SNX10: variants seen among roughly 807,000 people sequenced by gnomAD.
SNX10 encodes sorting nexin-10.
A neutral mutation model predicts 28.5 loss-of-function variants in SNX10; 25 were observed. The observed-to-expected ratio is 0.88, with a 90% CI of 0.64 to 1.22. The LOEUF (loss-of-function observed/expected upper bound fraction) is 1.22. Ranked by LOEUF, SNX10 falls within the 50% of genes most tolerant of loss-of-function variation. The pLI, the probability that SNX10 is intolerant of heterozygous loss-of-function variation, is 0.00. For synonymous variants in SNX10, 62 were observed against 81.4 expected, an observed-to-expected ratio of 0.76 and a Z score of 1.28; for missense variants, 223 against 242.6, an observed-to-expected ratio of 0.92 and a Z score of 0.54.
At chr7:26,367,469 C>T (rs745416110) in intron 5 of SNX10, among the ~76,000 whole-genome samples, 40 of 152,280 alleles carry the variant, frequency 2.6e-4, no homozygotes, top group Non-Finnish European at 4.9e-4. Flanking sequence ...GTTAATATTT[C>T]ACTTTAAAAA....
At chr7:26,358,832 T>C (rs1788949101) in intron 2 of SNX10, among the ~76,000 whole-genome samples, 1 of 133,882 alleles carries the variant, frequency 7.5e-6, no homozygotes, top group African/African-American at 2.6e-5. Flanking sequence ...TTTGACCAAG[T>C]CTTGCTGTTG....
intron 1 of SNX10, among the ~76,000 whole-genome samples, chr7:26,306,035 C>T (rs1422753861): frequency 6.6e-6 from 1 of 152,024 alleles, no homozygotes; most frequent in Non-Finnish European, 1.5e-5. Context: ...GTTGGGACTA[C>T]AGGCATGAGC....
chr7:26,360,459 G>A (rs905632991), intron 2 of SNX10: 2 of 157,878 alleles, frequency 1.3e-5, no homozygotes, highest in East Asian at 3.8e-4. Flanking sequence ...TCACCATGTT[G>A]CCTAGGCTGG....
intron 1 of SNX10, among the ~76,000 whole-genome samples, chr7:26,307,278 C>T (rs1455560777): frequency 6.6e-6 from 1 of 152,160 alleles, no homozygotes. Flanking sequence ...CTGGATGTCC[C>T]CAACACCCTA....
chr7:26,363,947 C>T (rs770604863), intron 3 of SNX10, among the ~76,000 whole-genome samples: 1 of 152,190 alleles, frequency 6.6e-6, no homozygotes, highest in Non-Finnish European at 1.5e-5. Flanking sequence ...GTCCTCTATG[C>T]CAGATGTTTA....
At chr7:26,347,515 C>T (rs887777593) in intron 2 of SNX10, among the ~76,000 whole-genome samples, 3 of 152,084 alleles carry the variant, frequency 2.0e-5, no homozygotes, top group South Asian at 4.1e-4. Context: ...ACTTCAGCCC[C>T]GGCGACAGAG....
chr7:26,345,154 C>T (rs1013447932), intron 1 of SNX10, among the ~76,000 whole-genome samples: 2 of 152,222 alleles, frequency 1.3e-5, no homozygotes, highest in Admixed American at 6.5e-5. Flanking sequence ...TCTCCAAAGA[C>T]TCTTTTTTCA....
At chr7:26,294,649 C>T (rs1357410407) in intron 1 of SNX10, among the ~76,000 whole-genome samples, 2 of 152,186 alleles carry the variant, frequency 1.3e-5, no homozygotes, top group Non-Finnish European at 2.9e-5. Flanking sequence ...TATGATTTCT[C>T]TAAACTCAGC....
chr7:26,342,610 T>C (rs186151754), intron 1 of SNX10, among the ~76,000 whole-genome samples: 1 of 152,326 alleles, frequency 6.6e-6, no homozygotes, highest in Admixed American at 6.5e-5. Flanking sequence ...TAATTATTAC[T>C]TTAAAAAGTT....
intron 1 of SNX10, among the ~76,000 whole-genome samples, chr7:26,300,212 A>G (rs1264922255): frequency 6.6e-6 from 1 of 152,138 alleles, no homozygotes; most frequent in African/African-American, 2.4e-5. Flanking sequence ...CTCTGTCTCA[A>G]AAATAAATAA....
At chr7:26,318,357 T>C (rs1787173739) in intron 1 of SNX10, among the ~76,000 whole-genome samples, 1 of 152,252 alleles carries the variant, frequency 6.6e-6, no homozygotes. Context: ...TATGCAGATA[T>C]CCAATCCAGC....
intron 1 of SNX10, among the ~76,000 whole-genome samples, chr7:26,324,886 G>A (rs573059399): frequency 6.6e-6 from 1 of 152,246 alleles, no homozygotes; most frequent in East Asian, 1.9e-4. Context: ...TAAAAAGAAT[G>A]ATCTTGCTTT....
rs546999013 is a variant in SNX10, at chr7:26,334,619, A to G, written c.-23-11801A>G. Among the ~76,000 whole-genome samples the G allele has an allele frequency of 6.6e-5, 10 of 152,316 alleles. No individual in the cohort carries two copies. In the East Asian group the frequency reaches 1.3e-3, roughly 21 times the overall value. On this transcript the variant is annotated intron_variant, in intron 1 of 6. Transcript: ENST00000338523. ...CTAAATTTGGCCTACTATCAAGTTC[A>G]TGACCATAAATGGAACTTGTATGTC...
chr7:26,320,753 C>T (rs1306248316), intron 1 of SNX10, among the ~76,000 whole-genome samples: 1 of 152,142 alleles, frequency 6.6e-6, no homozygotes, highest in Non-Finnish European at 1.5e-5. Flanking sequence ...TCTATGCATA[C>T]AAGCATGTAT....
At chr7:26,355,322 A>C (rs1439000126) in intron 2 of SNX10, among the ~76,000 whole-genome samples, 1 of 152,172 alleles carries the variant, frequency 6.6e-6, no homozygotes, top group East Asian at 1.9e-4. Context: ...CTTTCCATAT[A>C]AATTTTAGAA....
chr7:26,327,479 C>G (rs932375588), intron 1 of SNX10, among the ~76,000 whole-genome samples: 6 of 152,188 alleles, frequency 3.9e-5, no homozygotes, highest in African/African-American at 1.2e-4. Flanking sequence ...ACTGCACTGT[C>G]TATGAAGTGC....
intron 1 of SNX10, among the ~76,000 whole-genome samples, chr7:26,308,567 T>C (rs1762873801): frequency 6.6e-6 from 1 of 152,180 alleles, no homozygotes; most frequent in Non-Finnish European, 1.5e-5. Flanking sequence ...ACGTGGAGGT[T>C]CCTGGGGGGT....
At chr7:26,333,149 A>G (rs1048318324) in intron 1 of SNX10, among the ~76,000 whole-genome samples, 18 of 152,242 alleles carry the variant, frequency 1.2e-4, no homozygotes, top group Admixed American at 9.2e-4. Flanking sequence ...TTGAATCCAT[A>G]GATCACTTTG....
chr7:26,334,476 A>G lies in SNX10; in HGVS notation c.-23-11944A>G, dbSNP rs945786957. Among the ~76,000 whole-genome samples, 11 of 152,348 alleles carry G rather than the reference A, an allele frequency of 7.2e-5. No individual in the cohort carries two copies. The East Asian group carries it at 1.9e-3, about 27-fold the overall frequency. ...AAGGGAGGTGGAGGTCAGGGCCAACATGCACATGCAGGTATGTTCTCAGTG... is the reference window on the plus strand; with the variant it reads ...AAGGGAGGTGGAGGTCAGGGCCAACGTGCACATGCAGGTATGTTCTCAGTG... On this transcript the variant is annotated intron_variant, in intron 1 of 6. Coordinates refer to ENST00000338523, the MANE Select transcript of SNX10 (RefSeq NM_013322.3).
Sources: gnomAD v4.1 joint callset for allele counts (sites outside exome capture counted in the v4.1 genomes callset) on GRCh38, gnomAD v4.1.1 for gene constraint, MANE v1.5 for transcripts, NCBI Gene and HGNC (gene_info 2026-07-23, HGNC 2026-07-21) for gene names.